Variants in PRKCB observed in about 807,000 individuals in gnomAD.
The protein encoded by PRKCB is protein kinase C beta, also known as protein kinase C beta type.
PRKCB carries 13 observed loss-of-function variants against 81.5 expected under a neutral mutation model. The observed-to-expected ratio is 0.16, with a 90% CI of 0.10 to 0.25. The LOEUF (loss-of-function observed/expected upper bound fraction) is 0.25. Among genes scored for constraint, PRKCB ranks in the 10% least tolerant of loss-of-function variants. The probability of loss-of-function intolerance (pLI) is 1.00; values close to 1 mark genes in which losing one functional copy is unlikely to be tolerated. For missense variants in PRKCB, 509 were observed against 875.7 expected (o/e 0.58, Z 5.29); for synonymous variants, 335 against 321.4 (o/e 1.04, Z -0.45).
chr16:24,051,782 T>C (rs573246424), intron 5 of PRKCB, among the ~76,000 whole-genome samples: 5 of 152,132 alleles, frequency 3.3e-5, no homozygotes, highest in South Asian at 4.1e-4. Context: ...CTCAGGAGAC[T>C]GAGGAAGGAG....
chr16:23,940,893 A>G (rs1964133497), intron 2 of PRKCB, among the ~76,000 whole-genome samples: 1 of 152,204 alleles, frequency 6.6e-6, no homozygotes, highest in African/African-American at 2.4e-5. Context: ...AAACAGGGAT[A>G]ATAACGCAGT....
At chr16:24,212,798 T>A (rs1267446005) in intron 16 of PRKCB, among the ~76,000 whole-genome samples, 3 of 151,822 alleles carry the variant, frequency 2.0e-5, no homozygotes, top group Non-Finnish European at 4.4e-5. Context: ...CCTCTGGTCA[T>A]CACCAGGACT....
At chr16:24,003,377 C>T (rs1399467130) in intron 3 of PRKCB, among the ~76,000 whole-genome samples, 3 of 136,310 alleles carry the variant, frequency 2.2e-5, no homozygotes, top group Non-Finnish European at 3.1e-5. Context: ...TAGCCTTCTT[C>T]CTGCATTCGT....
intron 5 of PRKCB, among the ~76,000 whole-genome samples, chr16:24,054,448 A>G (rs1965880788): frequency 6.6e-6 from 1 of 152,220 alleles, no homozygotes; most frequent in African/African-American, 2.4e-5. Flanking sequence ...GAAAGGTTAA[A>G]TGACTTGGCC....
intron 5 of PRKCB, among the ~76,000 whole-genome samples, chr16:24,090,287 A>T (rs1338905790): frequency 6.6e-6 from 1 of 152,206 alleles, no homozygotes; most frequent in Non-Finnish European, 1.5e-5. Flanking sequence ...TGCAGAAAAA[A>T]TGTCAGCACA....
intron 5 of PRKCB, among the ~76,000 whole-genome samples, chr16:24,092,543 G>T (rs1049298579): frequency 6.6e-6 from 1 of 152,166 alleles, no homozygotes; most frequent in East Asian, 1.9e-4. Context: ...AAAACTTACA[G>T]TTAATCTTGG....
In PRKCB at chr16:24,214,882, T is replaced by C. The variant is rs749807722; in HGVS notation, c.*66T>C. 1.9e-6 allele frequency: 3 copies of C among 1,576,810 alleles called. No homozygotes were observed. The South Asian group carries it at 3.6e-5, about 19-fold the overall frequency. Reference sequence around the variant, plus strand: ...GCTCAACGGCTATTGTGGTGACATTTTTATGTTTTTCATTGCCAAGTTGCA... The same window carrying C: ...GCTCAACGGCTATTGTGGTGACATTCTTATGTTTTTCATTGCCAAGTTGCA... On this transcript the variant is annotated 3_prime_UTR_variant, in exon 17 of 17. Coordinates refer to ENST00000643927, the MANE Select transcript of PRKCB (RefSeq NM_002738.7).
chr16:24,087,229 T>C (rs1449776396), intron 5 of PRKCB, among the ~76,000 whole-genome samples: 1 of 152,226 alleles, frequency 6.6e-6, no homozygotes, highest in South Asian at 2.1e-4. Flanking sequence ...ATTTCACTAA[T>C]TGAACCACTA....
Position 24,215,560 on chromosome 16 carries a change from G to GC in PRKCB, c.*749dup. ...GAAACAACACAGTCACTCTAGCAAG[G>GC]CCCCCAAAGGGCCCTGGTTTTACAT... On this transcript the variant is annotated 3_prime_UTR_variant, in exon 17 of 17. Transcript: ENST00000643927. The GC allele has an allele frequency of 1.0e-6, 1 of 985,182 alleles. No homozygotes were observed. The highest frequency in any genetic ancestry group is 1.2e-6 in the Non-Finnish European group (1 of 829,822). 61.0% of individuals were successfully genotyped at this position (985,182 alleles called of 1,614,324 possible).
intron 2 of PRKCB, among the ~76,000 whole-genome samples, chr16:23,943,338 A>G (rs1250516539): frequency 6.6e-6 from 1 of 152,156 alleles, no homozygotes; most frequent in Non-Finnish European, 1.5e-5. Flanking sequence ...CAACGTGGAC[A>G]ACATAGCAAG....
At chr16:23,904,760 T>C (rs992396081) in intron 2 of PRKCB, among the ~76,000 whole-genome samples, 4 of 152,130 alleles carry the variant, frequency 2.6e-5, no homozygotes, top group African/African-American at 9.7e-5. Flanking sequence ...CAGTTATTGG[T>C]AGTACTCAAA....
At chr16:24,151,665 T>C (rs1967081255) in intron 9 of PRKCB, 4 of 398,654 alleles carry the variant, frequency 1.0e-5, no homozygotes, top group Non-Finnish European at 1.5e-5. Context: ...AAGGACGTCA[T>C]AGACAGTGGG....
intron 8 of PRKCB, among the ~76,000 whole-genome samples, chr16:24,115,607 G>A (rs1048169207): frequency 6.6e-6 from 1 of 151,528 alleles, no homozygotes; most frequent in South Asian, 2.1e-4. Flanking sequence ...CCCAAGGATA[G>A]CATTTATCCC....
chr16:24,063,297 CTTT>C (rs960862923), intron 5 of PRKCB, among the ~76,000 whole-genome samples: 1 of 142,406 alleles, frequency 7.0e-6, no homozygotes, highest in Non-Finnish European at 1.5e-5. Context: ...TCCTGATACA[CTTT>C]TTTTTTTTTT....
chr16:24,187,699 ATC>A (rs2141977425), intron 15 of PRKCB, among the ~76,000 whole-genome samples: 2 of 82,386 alleles, frequency 2.4e-5, no homozygotes, highest in African/African-American at 9.0e-5. Context: ...GTTTTGTTTT[ATC>A]AATGTCTCGC....
At chr16:24,146,215 T>A (rs2141947501) in intron 9 of PRKCB, among the ~76,000 whole-genome samples, 1 of 152,296 alleles carries the variant, frequency 6.6e-6, no homozygotes, top group Non-Finnish European at 1.5e-5. Context: ...GCACCTTGAT[T>A]TGGGACTTCC....
At chr16:23,850,259 G>T (rs1248015436) in intron 2 of PRKCB, among the ~76,000 whole-genome samples, 2 of 151,836 alleles carry the variant, frequency 1.3e-5, no homozygotes, top group African/African-American at 4.8e-5. Context: ...CTTTGCTATT[G>T]TAAGTAGTAC....
chr16:23,875,502 T>TCACACACATGTGTATATCACACAC (rs1209313131), intron 2 of PRKCB, among the ~76,000 whole-genome samples: 2,427 of 22,192 alleles, frequency 0.11, 163 homozygotes, highest in South Asian at 0.34. Context: ...TATATATATA[T>TCACACACATGTGTATATCACACAC]ATATGATGTA....
chr16:24,125,801 A>G (rs1966842959), intron 9 of PRKCB, among the ~76,000 whole-genome samples: 1 of 152,202 alleles, frequency 6.6e-6, no homozygotes. Flanking sequence ...GAGATGGACT[A>G]AGGGATCTGA....
Sources: allele counts gnomAD v4.1 joint callset (sites outside exome capture counted in the v4.1 genomes callset), GRCh38; gene constraint gnomAD v4.1.1; transcripts MANE v1.5; gene names NCBI Gene and HGNC (gene_info 2026-07-23, HGNC 2026-07-21).